CCDC192: variants seen among roughly 807,000 people sequenced by gnomAD.
The protein encoded by CCDC192 is coiled-coil domain-containing protein 192.
intron 6 of CCDC192, among the ~76,000 whole-genome samples, chr5:127,928,522 T>C (rs1029048573): frequency 1.3e-5 from 2 of 152,198 alleles, no homozygotes; most frequent in African/African-American, 4.8e-5. Context: ...TCTTCCCATC[T>C]CAAAATTCTT....
chr5:127,752,708 C>A (rs1260107296), intron 2 of CCDC192, among the ~76,000 whole-genome samples: 2 of 152,354 alleles, frequency 1.3e-5, no homozygotes, highest in East Asian at 3.9e-4. Context: ...GCCCCTCCCC[C>A]AGCCTCGCTG....
intron 2 of CCDC192, among the ~76,000 whole-genome samples, chr5:127,719,327 CCTGGCTATTGTGA>C (rs1435876854): frequency 6.6e-6 from 1 of 151,392 alleles, no homozygotes. Flanking sequence ...GCTTCCAAAT[CCTGGCTATTGTGA>C]CTAGTGCTGC....
intron 2 of CCDC192, among the ~76,000 whole-genome samples, chr5:127,726,827 C>T (rs1333683870): frequency 1.3e-5 from 2 of 152,238 alleles, no homozygotes; most frequent in Admixed American, 6.5e-5. Context: ...CTTGCTGGCT[C>T]TGAGGAATCC....
intron 6 of CCDC192, among the ~76,000 whole-genome samples, chr5:127,888,142 G>A (rs780138882): frequency 4.6e-4 from 70 of 151,780 alleles, no homozygotes; most frequent in Non-Finnish European, 6.6e-4. Context: ...ACAGCCGGGT[G>A]CAGTGGCTCC....
rs1321948313 is a variant in CCDC192, at chr5:127,778,188, C to T, written c.223-18915C>T. ...CAGTGGTGAAAGTAGACATCCTTGT[C>T]TTGTTCCTGATCTTACCAGAAAAGC... On this transcript the variant is annotated intron_variant, in intron 3 of 6. Coordinates refer to ENST00000514853, the MANE Select transcript of CCDC192 (RefSeq NM_001317938.2). 2.6e-5 allele frequency among the ~76,000 whole-genome samples: 4 copies of T among 152,304 alleles called. No homozygotes were observed. In the East Asian group the frequency reaches 7.7e-4, roughly 29 times the overall value.
intron 2 of CCDC192, among the ~76,000 whole-genome samples, chr5:127,738,607 T>C (rs1753180071): frequency 6.7e-6 from 1 of 148,850 alleles, no homozygotes; most frequent in African/African-American, 2.5e-5. Flanking sequence ...TAGTCCCATA[T>C]TTCTTGGAGG....
At chr5:127,763,187 G>A (rs1176236802) in intron 3 of CCDC192, among the ~76,000 whole-genome samples, 1 of 152,120 alleles carries the variant, frequency 6.6e-6, no homozygotes, top group Non-Finnish European at 1.5e-5. Context: ...CTCCACCAAG[G>A]TTCTCACAGA....
intron 6 of CCDC192, among the ~76,000 whole-genome samples, chr5:127,899,144 T>C (rs1280935014): frequency 6.6e-6 from 1 of 152,202 alleles, no homozygotes; most frequent in Non-Finnish European, 1.5e-5. Flanking sequence ...GAATTACATC[T>C]TTATTTCTCT....
intron 2 of CCDC192, among the ~76,000 whole-genome samples, chr5:127,742,638 ATAAT>A (rs1332979497): frequency 6.6e-6 from 1 of 152,186 alleles, no homozygotes; most frequent in Non-Finnish European, 1.5e-5. Context: ...CACACCCAAA[ATAAT>A]TAGGGTTAGT....
In CCDC192 at chr5:127,770,991, T is replaced by C. The variant is rs547818108; in HGVS notation, c.222+16616T>C. 1.1e-4 allele frequency among the ~76,000 whole-genome samples: 17 copies of C among 152,314 alleles called. No homozygotes were observed. In the South Asian group the frequency reaches 3.5e-3, roughly 32 times the overall value. ...GGCTGTAAATCACAGTATTCCTGGC[T>C]AGAGGGAATGACTTTTGAGCACAAT... On this transcript the variant is annotated intron_variant, in intron 3 of 6. Transcript: ENST00000514853.
At chr5:127,919,408 T>A (rs1361598198) in intron 6 of CCDC192, among the ~76,000 whole-genome samples, 4 of 146,428 alleles carry the variant, frequency 2.7e-5, no homozygotes, top group Non-Finnish European at 5.9e-5. Context: ...TATTTATTAA[T>A]TAAGAAATCT....
intron 6 of CCDC192, among the ~76,000 whole-genome samples, chr5:127,934,822 G>A (rs1383915967): frequency 1.3e-5 from 2 of 152,198 alleles, no homozygotes; most frequent in African/African-American, 4.8e-5. Flanking sequence ...GTATGTGCAA[G>A]TCCAAGTATG....
At chr5:127,904,014 G>A (rs1012585643) in intron 6 of CCDC192, among the ~76,000 whole-genome samples, 7 of 152,164 alleles carry the variant, frequency 4.6e-5, no homozygotes, top group Non-Finnish European at 2.9e-5. Context: ...AGGATCTTGA[G>A]ATGGGGAAAT....
chr5:127,769,427 G>C (rs1240949881), intron 3 of CCDC192, among the ~76,000 whole-genome samples: 1 of 152,066 alleles, frequency 6.6e-6, no homozygotes. Context: ...GTGTGTGTGT[G>C]TGTGTGTGTG....
At chr5:127,726,042 A>T (rs1428749770) in intron 2 of CCDC192, among the ~76,000 whole-genome samples, 1 of 152,142 alleles carries the variant, frequency 6.6e-6, no homozygotes, top group Non-Finnish European at 1.5e-5. Flanking sequence ...TCCTAGTATA[A>T]CAAAATAGCA....
chr5:127,919,660 G>C (rs948854846), intron 6 of CCDC192, among the ~76,000 whole-genome samples: 3 of 152,186 alleles, frequency 2.0e-5, no homozygotes, highest in African/African-American at 7.2e-5. Flanking sequence ...CAGCAAACTG[G>C]ATTTTGCTAC....
chr5:127,741,472 C>A (rs1753414879), intron 2 of CCDC192, among the ~76,000 whole-genome samples: 2 of 152,158 alleles, frequency 1.3e-5, no homozygotes, highest in South Asian at 4.1e-4. Context: ...AGTGCTTAAA[C>A]ACCCTGAAAG....
At chr5:127,721,827 G>T (rs1242940600) in intron 2 of CCDC192, among the ~76,000 whole-genome samples, 1 of 152,172 alleles carries the variant, frequency 6.6e-6, no homozygotes. Context: ...GTCTTGCATG[G>T]CTGGGGCAGG....
At chr5:127,891,990 C>G (rs1752745726) in intron 6 of CCDC192, among the ~76,000 whole-genome samples, 1 of 152,194 alleles carries the variant, frequency 6.6e-6, no homozygotes, top group Non-Finnish European at 1.5e-5. Context: ...CCCAGTACTG[C>G]TGCCTTGCAT....
Sources: allele counts gnomAD v4.1 joint callset (sites outside exome capture counted in the v4.1 genomes callset), GRCh38; gene constraint gnomAD v4.1.1; transcripts MANE v1.5; gene names NCBI Gene and HGNC (gene_info 2026-07-23, HGNC 2026-07-21).